The following ADGRE3 variants were observed in gnomAD, a reference collection of about 807,000 sequenced individuals.
The protein encoded by ADGRE3 is adhesion G protein-coupled receptor E3, also known as EGF-like module receptor 3.
ADGRE3 carries 88 observed loss-of-function variants against 80.1 expected under a neutral mutation model. The ratio of observed to expected loss-of-function variants is 1.10; its 90% CI spans 0.93 to 1.31. The LOEUF (loss-of-function observed/expected upper bound fraction) is 1.31, where lower values mean the gene tolerates loss of function less well. Among genes scored for constraint, ADGRE3 ranks in the 40% most tolerant of loss-of-function variants. The pLI, the probability that ADGRE3 is intolerant of heterozygous loss-of-function variation, is 0.00. For synonymous variants in ADGRE3, 281 were observed against 294.8 expected (o/e 0.95, Z 0.48); for missense variants, 715 against 776.5 (o/e 0.92, Z 0.94).
In ADGRE3 at chr19:14,623,306, A is replaced by AAT. The variant is rs1179905551; in HGVS notation, c.1920+2185_1920+2186insAT. 1.8e-4 allele frequency among the ~76,000 whole-genome samples: 26 copies of AAT among 146,842 alleles called. 8 individuals carry two copies. In the South Asian group the frequency reaches 4.3e-3, roughly 25 times the overall value. On this transcript the variant is annotated intron_variant, in intron 15 of 15. Coordinates refer to ENST00000253673, the MANE Select transcript of ADGRE3 (RefSeq NM_032571.5). ...TACTTAAAAAAAAAAAAATAAAAAA[A>AAT]AAAAAAAATAAAACTCCTGGACTTA...
intron 4 of ADGRE3, among the ~76,000 whole-genome samples, chr19:14,661,541 C>T (rs1850485228): frequency 6.6e-6 from 1 of 152,304 alleles, no homozygotes; most frequent in Non-Finnish European, 1.5e-5. Flanking sequence ...CCTCCATCTC[C>T]AAACTATAGT....
the ADGRE3 span, among the ~76,000 whole-genome samples, chr19:14,607,488 C>T: frequency 6.6e-6 from 1 of 151,666 alleles, no homozygotes; most frequent in Non-Finnish European, 1.5e-5. Flanking sequence ...CAGGCGTGAG[C>T]CACCGCGCCC....
At chr19:14,605,288 G>A in the ADGRE3 span, among the ~76,000 whole-genome samples, 1 of 151,128 alleles carries the variant, frequency 6.6e-6, no homozygotes, top group Admixed American at 6.6e-5. Flanking sequence ...TAGAGATGGG[G>A]TTTTGCCACG....
intron 1 of ADGRE3, among the ~76,000 whole-genome samples, chr19:14,673,209 C>T (rs1441714809): frequency 1.3e-5 from 2 of 152,218 alleles, no homozygotes; most frequent in Non-Finnish European, 2.9e-5. Context: ...CTATCAGCTG[C>T]CTCTGCAGCA....
chr19:14,649,474 C>G (rs1971524421), intron 7 of ADGRE3, among the ~76,000 whole-genome samples: 1 of 150,176 alleles, frequency 6.7e-6, no homozygotes, highest in Non-Finnish European at 1.5e-5. Context: ...TTCCCCATCT[C>G]TCTCTTTTGA....
chr19:14,657,146 C>T (rs560599987), intron 5 of ADGRE3, among the ~76,000 whole-genome samples: 4 of 152,274 alleles, frequency 2.6e-5, no homozygotes, highest in African/African-American at 7.2e-5. Context: ...ATCCACCCAC[C>T]TCCCAAAGTG....
chr19:14,605,806 A>C, the ADGRE3 span, among the ~76,000 whole-genome samples: 1 of 152,054 alleles, frequency 6.6e-6, no homozygotes, highest in Non-Finnish European at 1.5e-5. Flanking sequence ...TGGTGCATTC[A>C]TAGCTCACTG....
At chr19:14,666,378 AT>A (rs34328222) in intron 2 of ADGRE3, among the ~76,000 whole-genome samples, 113,594 of 143,522 alleles carry the variant, frequency 0.79, 45,173 homozygotes, top group African/African-American at 0.93. Flanking sequence ...TTCTTGGCCT[AT>A]TTTTTTTTTT....
At chr19:14,650,966 A>G (rs1343932971) in intron 7 of ADGRE3, 119 bp downstream of exon 7, 1 of 1,053,768 alleles carries the variant, frequency 9.5e-7, no homozygotes, top group East Asian at 2.5e-5. Context: ...AAAATCTCCA[A>G]TATCGTAGTT....
chr19:14,602,922 A>G, the ADGRE3 span, among the ~76,000 whole-genome samples: 1 of 151,856 alleles, frequency 6.6e-6, no homozygotes, highest in Non-Finnish European at 1.5e-5. Context: ...TTTGGTAGAG[A>G]TGGGGTTTCT....
chr19:14,620,571 T>TATATATAA, intron 15 of ADGRE3, among the ~76,000 whole-genome samples: 1 of 13,474 alleles, frequency 7.4e-5, no homozygotes. Context: ...TATATATATT[T>TATATATAA]TTTTTTTTTT....
intron 6 of ADGRE3, among the ~76,000 whole-genome samples, chr19:14,652,230 T>C (rs897419015): frequency 2.0e-5 from 3 of 152,284 alleles, no homozygotes; most frequent in Admixed American, 1.3e-4. Flanking sequence ...ACAGTATATA[T>C]GTATATCAAG....
chr19:14,607,608 C>T, the ADGRE3 span, among the ~76,000 whole-genome samples: 1 of 151,230 alleles, frequency 6.6e-6, no homozygotes, highest in Non-Finnish European at 1.5e-5. Context: ...GACGGAGTCT[C>T]GCTGTCGCTC....
At position 14,662,070 on chromosome 19, in the gene ADGRE3, G is replaced by A. The variant is rs368262404; in HGVS notation, c.248C>T (p.Ala83Val). ...ACTTCCTTCGACATTGTAACACACAGCGTTAAATCCACAATATACACTATA... is the reference window on the plus strand; with the variant it reads ...ACTTCCTTCGACATTGTAACACACAACGTTAAATCCACAATATACACTATA... ...PPYSVYCGFN[A>V]VCYNVEGSFY... Residue 83 changes from alanine to valine, a missense_variant, in exon 4 of 16, where the codon GCT becomes GTT. Transcript: ENST00000253673. 9.9e-6 allele frequency: 16 copies of A among 1,613,982 alleles called. No individual in the cohort carries two copies. The highest frequency in any genetic ancestry group is 5.3e-5 in the African/African-American group (4 of 74,922).
rs563803504 is a variant in ADGRE3, at chr19:14,635,948, C to G, written c.1484+2157G>C. The stretch of plus-strand genomic sequence containing the variant: ...ACCTTTGGTTCATCCTGGAGACTTT[C>G]TTTTTTTGGTTTGCAAACCAGTATT... On this transcript the variant is annotated intron_variant, in intron 11 of 15. Transcript: ENST00000253673. Among the ~76,000 whole-genome samples, 11 of 151,524 alleles carry G rather than the reference C, an allele frequency of 7.3e-5. No individual in the cohort carries two copies. The South Asian group carries it at 1.9e-3, about 26-fold the overall frequency.
At chr19:14,604,723 A>G in the ADGRE3 span, among the ~76,000 whole-genome samples, 1 of 152,090 alleles carries the variant, frequency 6.6e-6, no homozygotes, top group African/African-American at 2.4e-5. Context: ...GGATCACACC[A>G]CTGCATTCCA....
chr19:14,666,221 A>G (rs1401157532), intron 2 of ADGRE3, among the ~76,000 whole-genome samples: 1 of 151,718 alleles, frequency 6.6e-6, no homozygotes, highest in African/African-American at 2.4e-5. Context: ...TCCCACCAAT[A>G]GTGTAAAGTG....
intron 7 of ADGRE3, among the ~76,000 whole-genome samples, chr19:14,648,176 T>A (rs1197580642): frequency 1.3e-5 from 2 of 151,354 alleles, no homozygotes; most frequent in Non-Finnish European, 2.9e-5. Context: ...ACTGAGACAA[T>A]GAATAATAAT....
chr19:14,649,127 C>T (rs62640435), intron 7 of ADGRE3, among the ~76,000 whole-genome samples: 48,753 of 138,230 alleles, frequency 0.35, 8,780 homozygotes, highest in Middle Eastern at 0.5. Context: ...TCTCGAATTC[C>T]GTCTCTCTCT....
Sources: gnomAD v4.1 joint callset for allele counts (sites outside exome capture counted in the v4.1 genomes callset) on GRCh38, gnomAD v4.1.1 for gene constraint, MANE v1.5 for transcripts, NCBI Gene and HGNC (gene_info 2026-07-23, HGNC 2026-07-21) for gene names.